FGD1: variants seen among roughly 807,000 people sequenced by gnomAD.
The protein encoded by FGD1 is FYVE, RhoGEF and PH domain containing 1, also known as FYVE, RhoGEF and PH domain-containing protein 1.
A neutral mutation model predicts 65.0 loss-of-function variants in FGD1; 12 were observed. That is an observed-to-expected ratio of 0.18 (90% CI 0.12 to 0.30). The LOEUF is 0.30. Among genes scored for constraint, FGD1 ranks in the 10% least tolerant of loss-of-function variants. The pLI is 1.00. For synonymous variants in FGD1, 333 were observed against 343.9 expected (o/e 0.97, Z 0.35); for missense variants, 542 against 837.6 (o/e 0.65, Z 4.36).
intron 8 of FGD1, among the ~76,000 whole-genome samples, chrX:54,461,959 G>A (rs1381035543): frequency 3.6e-5 from 4 of 111,464 alleles, no homozygotes; most frequent in African/African-American, 1.3e-4. Flanking sequence ...TCAAGCTGAA[G>A]GCTCTCACTG....
At chrX:54,485,401 A>C (rs1923247446) in intron 1 of FGD1, among the ~76,000 whole-genome samples, 1 of 111,789 alleles carries the variant, frequency 8.9e-6, no homozygotes, top group Non-Finnish European at 1.9e-5. Flanking sequence ...CTCCTCCCTC[A>C]ATACTTTGCA....
At chrX:54,477,938 C>G (rs766364492) in intron 1 of FGD1, among the ~76,000 whole-genome samples, 6 of 108,317 alleles carry the variant, frequency 5.5e-5, no homozygotes, top group African/African-American at 2.0e-4. Flanking sequence ...ACCAACATGG[C>G]GAAACACCGT....
intron 1 of FGD1, among the ~76,000 whole-genome samples, chrX:54,477,321 A>T (rs766335380): frequency 1.8e-5 from 2 of 112,141 alleles, no homozygotes; most frequent in African/African-American, 6.5e-5. Context: ...CCAATCTCAA[A>T]GACAAAGACT....
rs1008476454 is a variant in FGD1, at chrX:54,495,507, G to A, written c.-75C>T. 19 of 706,210 alleles carry A rather than the reference G, an allele frequency of 2.7e-5. No homozygotes were observed. Among genetic ancestry groups the A allele is most frequent in the Non-Finnish European group, 3.1e-5 (17 of 553,064 alleles). 58.2% of individuals were successfully genotyped at this position (706,210 alleles called of 1,213,427 possible). ...TGGGGCGGAGGCGCGGGCGGAGGAG[G>A]CCCGGCGCCCGGCGGAGCAGCGGCC... On this transcript the variant is annotated 5_prime_UTR_variant, in exon 1 of 18. Coordinates refer to ENST00000375135, the MANE Select transcript of FGD1 (RefSeq NM_004463.3).
At position 54,471,423 on chromosome X, in the gene FGD1, C is replaced by G. The variant is rs1429064286; in HGVS notation, c.372G>C (p.Glu124Asp). The G allele has an allele frequency of 2.5e-6, 3 of 1,210,127 alleles. No individual in the cohort carries two copies. The highest frequency in any genetic ancestry group is 1.7e-5 in the African/African-American group (1 of 57,376). The stretch of plus-strand genomic sequence containing the variant: ...GCCGCTGGGGACCTTCTGGATGAGG[C>G]TCTAGGCTTTGGCCAGGGTCAAGGG... ...SLSLDPGQSLEPHPEGPQRLR... is the reference protein window; with the variant it reads ...SLSLDPGQSLDPHPEGPQRLR... Residue 124 changes from glutamate (E) to aspartate (D), a missense_variant, in exon 2 of 18, where the codon GAG (glutamate) becomes GAC (aspartate). Glu to Asp is a conservative substitution (Grantham distance 45, BLOSUM62 2). Transcript: ENST00000375135.
intron 8 of FGD1, among the ~76,000 whole-genome samples, chrX:54,461,142 G>A (rs763988368): frequency 2.3e-4 from 26 of 111,484 alleles, no homozygotes; most frequent in African/African-American, 6.5e-4. Flanking sequence ...GGGATGTTAC[G>A]TTGGGGATCC....
chrX:54,469,985 G>A (rs1922844614), intron 4 of FGD1, 31 bp downstream of exon 4: 5 of 1,185,939 alleles, frequency 4.2e-6, no homozygotes, highest in Non-Finnish European at 5.7e-6. Context: ...TCTCCACATG[G>A]ACCTGCCTCT....
intron 1 of FGD1, among the ~76,000 whole-genome samples, chrX:54,482,236 G>GCACACACACACACACA (rs759070309): frequency 0.023 from 2,334 of 99,324 alleles, 66 homozygotes; most frequent in African/African-American, 0.067. Flanking sequence ...GCACACGCGC[G>GCACACACACACACACA]CACACACACA....
In FGD1 at chrX:54,446,105, C is replaced by T; in HGVS notation, c.*4G>A. The T allele has an allele frequency of 8.3e-7, 1 of 1,202,115 alleles. No individual in the cohort carries two copies. Among genetic ancestry groups the T allele is most frequent in the South Asian group, 1.8e-5 (1 of 55,323 alleles). On this transcript the variant is annotated 3_prime_UTR_variant, in exon 18 of 18. Transcript: ENST00000375135. ...GTGGGGGCTCCCAGTTTGTCCCAAA[C>T]CCTCTAGGTCTTGTCTCGGGTCTGG... is the stretch of plus-strand genomic sequence containing the variant.
chrX:54,472,291 AAAAG>A (rs1161282590), intron 1 of FGD1, among the ~76,000 whole-genome samples: 3 of 109,470 alleles, frequency 2.7e-5, no homozygotes, highest in African/African-American at 1.0e-4. Flanking sequence ...AAAAAAAAAA[AAAAG>A]AAGAAAAATG....
intron 8 of FGD1, among the ~76,000 whole-genome samples, chrX:54,457,323 CT>C (rs1448841187): frequency 9.0e-6 from 1 of 111,552 alleles, no homozygotes; most frequent in African/African-American, 3.3e-5. Context: ...TGATCCTGTT[CT>C]TTGTCTCAAT....
intron 1 of FGD1, among the ~76,000 whole-genome samples, chrX:54,482,129 A>C (rs750051515): frequency 4.2e-4 from 47 of 111,957 alleles, no homozygotes; most frequent in Non-Finnish European, 8.1e-4. Flanking sequence ...ACATGGATCT[A>C]TATGCAAACA....
chrX:54,449,304 T>C (rs771668487), intron 14 of FGD1, 36 bp from the exon 15 acceptor site: 4 of 1,205,268 alleles, frequency 3.3e-6, no homozygotes, highest in South Asian at 3.6e-5. Flanking sequence ...CAGAGACAGC[T>C]ACTCCCCAGC....
chrX:54,483,261 G>A (rs930482419), intron 1 of FGD1, among the ~76,000 whole-genome samples: 2 of 111,576 alleles, frequency 1.8e-5, no homozygotes, highest in East Asian at 2.9e-4. Context: ...ACACCCGCGC[G>A]GTGGGGGAGG....
At chrX:54,487,471 C>T (rs1376059545) in intron 1 of FGD1, among the ~76,000 whole-genome samples, 1 of 112,475 alleles carries the variant, frequency 8.9e-6, no homozygotes, top group African/African-American at 3.2e-5. Context: ...AATGGGAAAA[C>T]ATTCCATGCT....
intron 8 of FGD1, among the ~76,000 whole-genome samples, chrX:54,464,413 G>A (rs992972644): frequency 3.6e-5 from 4 of 111,536 alleles, no homozygotes; most frequent in Admixed American, 9.6e-5. Context: ...GATTACAGGC[G>A]TGAGCCACTG....
chrX:54,471,217 C>A lies in FGD1; in HGVS notation c.481+97G>T. 11 of 981,723 alleles carry A rather than the reference C, an allele frequency of 1.1e-5. No individual in the cohort carries two copies. The South Asian group carries it at 2.1e-4, about 19-fold the overall frequency. 80.9% of individuals were successfully genotyped at this position (981,723 alleles called of 1,213,427 possible). A position where few individuals can be genotyped will look rare whatever the true frequency, so the allele number is the denominator to read the frequency against. ...CCCTGGGAGCATGGTGGCTCCCTAT[C>A]CTTCTAACAAACCCTCTTCTCTGCC... is the stretch of plus-strand genomic sequence containing the variant. On this transcript the variant is annotated intron_variant, in intron 2 of 17. Transcript: ENST00000375135.
intron 1 of FGD1, among the ~76,000 whole-genome samples, chrX:54,478,025 G>A (rs5961072): frequency 0.16 from 17,068 of 109,925 alleles, 2,226 homozygotes; most frequent in African/African-American, 0.43. Flanking sequence ...GGCTGAGGCA[G>A]GAGAATGGCT....
Position 54,495,151 on chromosome X carries a change from G to A in FGD1, c.282C>T (p.His94=). 1.7e-6 allele frequency: 2 copies of A among 1,187,514 alleles called. No individual in the cohort carries two copies. The highest frequency in any genetic ancestry group is 2.3e-6 in the Non-Finnish European group (2 of 884,234). ...QHHRALRFSY[H]LEGSQPRPGL... ...CAGGCCGAGGCTGCGAGCCCTCCAG[G>A]TGGTAAGAGAAGCGCAGGGCCCGGT... Residue 94 remains histidine (H), a synonymous_variant, in exon 1 of 18, where the codon CAC becomes CAT. Transcript: ENST00000375135.
Sources: gnomAD v4.1 joint callset for allele counts (sites outside exome capture counted in the v4.1 genomes callset) on GRCh38, gnomAD v4.1.1 for gene constraint, MANE v1.5 for transcripts, NCBI Gene and HGNC (gene_info 2026-07-23, HGNC 2026-07-21) for gene names.